Variants in SUPT3H observed in about 807,000 individuals in gnomAD.
The protein encoded by SUPT3H is SPT3 homolog, SAGA and STAGA complex component, also known as transcription initiation protein SPT3 homolog.
Under a neutral mutation model 44.3 loss-of-function variants are expected in SUPT3H, and 44 were observed. The observed-to-expected ratio is 0.99, with a 90% CI of 0.78 to 1.28. The LOEUF (loss-of-function observed/expected upper bound fraction) is 1.28, where lower values mean the gene tolerates loss of function less well. Ranked by LOEUF, SUPT3H falls within the 50% of genes most tolerant of loss-of-function variation. The pLI, the probability that SUPT3H is intolerant of heterozygous loss-of-function variation, is 0.00. For synonymous variants in SUPT3H, 124 were observed against 125.6 expected (o/e 0.99, Z 0.09); for missense variants, 380 against 387.1 (o/e 0.98, Z 0.15).
chr6:44,925,972 G>A (rs1769455171), intron 10 of SUPT3H, among the ~76,000 whole-genome samples: 1 of 151,864 alleles, frequency 6.6e-6, no homozygotes, highest in South Asian at 2.1e-4. Context: ...TAGACCCTGA[G>A]GCCCTTCCTC....
At chr6:45,350,417 T>C (rs576690266) in intron 2 of SUPT3H, among the ~76,000 whole-genome samples, 14 of 152,310 alleles carry the variant, frequency 9.2e-5, no homozygotes, top group South Asian at 2.1e-4. Flanking sequence ...ATTAGGTAAT[T>C]TGTAATACAC....
intron 5 of SUPT3H, among the ~76,000 whole-genome samples, chr6:45,006,961 T>C (rs1163356161): frequency 3.3e-5 from 5 of 152,294 alleles, no homozygotes; most frequent in African/African-American, 1.2e-4. Context: ...CTGGGATCTA[T>C]GGATGATTTA....
At chr6:45,323,785 G>A (rs1432291405) in intron 2 of SUPT3H, among the ~76,000 whole-genome samples, 1 of 151,900 alleles carries the variant, frequency 6.6e-6, no homozygotes, top group Admixed American at 6.6e-5. Context: ...TCTCATTATA[G>A]GACAGTTTTA....
intron 3 of SUPT3H, among the ~76,000 whole-genome samples, chr6:45,037,974 AG>A (rs1787941276): frequency 6.6e-6 from 1 of 152,168 alleles, no homozygotes; most frequent in African/African-American, 2.4e-5. Context: ...TCAAGTTTAA[AG>A]GATAGGTTTA....
intron 10 of SUPT3H, among the ~76,000 whole-genome samples, chr6:44,902,609 T>C (rs1405178013): frequency 1.3e-5 from 2 of 152,114 alleles, no homozygotes; most frequent in African/African-American, 2.4e-5. Context: ...CTGTCAATAT[T>C]AGACACATCA....
chr6:44,979,543 G>A (rs6926370), intron 6 of SUPT3H, among the ~76,000 whole-genome samples: 1 of 151,544 alleles, frequency 6.6e-6, no homozygotes, highest in Non-Finnish European at 1.5e-5. Flanking sequence ...AAGTGTGTGT[G>A]GGGGGGGGAA....
intron 10 of SUPT3H, among the ~76,000 whole-genome samples, chr6:44,870,588 G>A (rs1438768180): frequency 7.4e-6 from 1 of 134,436 alleles, no homozygotes; most frequent in African/African-American, 2.7e-5. Context: ...GACAGAGTGA[G>A]ACTCTGTCTC....
At chr6:44,840,492 T>C (rs1262514867) in intron 10 of SUPT3H, among the ~76,000 whole-genome samples, 1 of 152,216 alleles carries the variant, frequency 6.6e-6, no homozygotes, top group Non-Finnish European at 1.5e-5. Context: ...AGAAATATAG[T>C]ATTTCAATCA....
Position 44,827,938 on chromosome 6 carries a change from A to G in SUPT3H, c.*1878T>C, listed in dbSNP as rs1296762998. On this transcript the variant is annotated 3_prime_UTR_variant, in exon 11 of 11. Transcript: ENST00000371459. ...ACAAACATATGCCAGACCAACAAAA[A>G]CACAGACCTGTCATATTTCTGAGAG... Among the ~76,000 whole-genome samples the G allele has an allele frequency of 6.6e-6, 1 of 152,096 alleles. No homozygotes were observed. Among genetic ancestry groups the G allele is most frequent in the Admixed American group, 6.6e-5 (1 of 15,250 alleles).
chr6:45,156,695 G>A (rs1217746953), intron 2 of SUPT3H, among the ~76,000 whole-genome samples: 1 of 151,612 alleles, frequency 6.6e-6, no homozygotes, highest in African/African-American at 2.4e-5. Flanking sequence ...AACAAGAAAT[G>A]AGTTTTTTAA....
At chr6:45,106,774 G>A (rs544235906) in intron 2 of SUPT3H, among the ~76,000 whole-genome samples, 83 of 152,264 alleles carry the variant, frequency 5.5e-4, no homozygotes, top group Middle Eastern at 3.4e-3. Flanking sequence ...GACCTCAGGT[G>A]ATCCACCCAC....
chr6:45,127,442 A>G (rs545009476), intron 2 of SUPT3H, among the ~76,000 whole-genome samples: 1 of 152,330 alleles, frequency 6.6e-6, no homozygotes, highest in African/African-American at 2.4e-5. Context: ...CAACAATACT[A>G]TGAGGTAGGT....
At chr6:45,266,027 T>G (rs1459068811) in intron 2 of SUPT3H, among the ~76,000 whole-genome samples, 1 of 152,114 alleles carries the variant, frequency 6.6e-6, no homozygotes, top group Non-Finnish European at 1.5e-5. Flanking sequence ...GATTCTCATA[T>G]TACACAGTAC....
intron 2 of SUPT3H, among the ~76,000 whole-genome samples, chr6:45,307,341 C>T (rs1016190639): frequency 6.6e-6 from 1 of 152,180 alleles, no homozygotes; most frequent in Non-Finnish European, 1.5e-5. Flanking sequence ...CCCTGACACC[C>T]GAGTAGCCTA....
At chr6:45,056,089 T>A (rs1174367798) in intron 3 of SUPT3H, among the ~76,000 whole-genome samples, 1 of 152,152 alleles carries the variant, frequency 6.6e-6, no homozygotes, top group African/African-American at 2.4e-5. Flanking sequence ...TCAACATCAC[T>A]AATGATCAGG....
At chr6:45,099,997 T>C (rs1187592644) in intron 3 of SUPT3H, among the ~76,000 whole-genome samples, 1 of 151,484 alleles carries the variant, frequency 6.6e-6, no homozygotes, top group African/African-American at 2.4e-5. Flanking sequence ...GAATGGTGAG[T>C]CTTTTCAATA....
chr6:45,042,760 G>A (rs1411798740), intron 3 of SUPT3H, among the ~76,000 whole-genome samples: 1 of 151,914 alleles, frequency 6.6e-6, no homozygotes, highest in Non-Finnish European at 1.5e-5. Context: ...TATACCCAAA[G>A]GATTATAAAT....
chr6:45,276,968 A>G (rs1010087328), intron 2 of SUPT3H, among the ~76,000 whole-genome samples: 1 of 152,240 alleles, frequency 6.6e-6, no homozygotes, highest in African/African-American at 2.4e-5. Flanking sequence ...ACTTCCAAAG[A>G]TAAAACACAT....
At chr6:45,073,615 A>C (rs1794663882) in intron 3 of SUPT3H, among the ~76,000 whole-genome samples, 1 of 152,050 alleles carries the variant, frequency 6.6e-6, no homozygotes, top group Non-Finnish European at 1.5e-5. Context: ...ATAGTCACTA[A>C]TTTATGCTAC....
Sources: allele counts gnomAD v4.1 joint callset (sites outside exome capture counted in the v4.1 genomes callset), GRCh38; gene constraint gnomAD v4.1.1; transcripts MANE v1.5; gene names NCBI Gene and HGNC (gene_info 2026-07-23, HGNC 2026-07-21).